The following PACRG variants were observed in gnomAD, a reference collection of about 807,000 sequenced individuals.
PACRG encodes parkin coregulated.
In PACRG, 29 loss-of-function variants were observed where a neutral mutation model predicts 29.7. The ratio of observed to expected loss-of-function variants is 0.98; its 90% CI spans 0.73 to 1.33. The LOEUF (loss-of-function observed/expected upper bound fraction) is 1.33. Ranked by LOEUF, PACRG falls within the 40% of genes most tolerant of loss-of-function variation. The probability of loss-of-function intolerance (pLI) is 0.00; values close to 1 mark genes in which losing one functional copy is unlikely to be tolerated. For synonymous variants in PACRG, 116 were observed against 118.7 expected (o/e 0.98, Z 0.15); for missense variants, 279 against 316.2 (o/e 0.88, Z 0.89).
At chr6:163,227,193 C>T (rs1447020109) in intron 4 of PACRG, among the ~76,000 whole-genome samples, 1 of 152,106 alleles carries the variant, frequency 6.6e-6, no homozygotes, top group African/African-American at 2.4e-5. Context: ...CCATCTGCTT[C>T]CCAGGAGGCC....
intron 4 of PACRG, among the ~76,000 whole-genome samples, chr6:163,121,263 G>A (rs1442270949): frequency 6.6e-6 from 1 of 152,190 alleles, no homozygotes; most frequent in East Asian, 1.9e-4. Context: ...ATTATACATA[G>A]TTTATCCTTC....
chr6:162,907,132 T>C (rs1795986597), intron 2 of PACRG, among the ~76,000 whole-genome samples: 1 of 152,208 alleles, frequency 6.6e-6, no homozygotes, highest in African/African-American at 2.4e-5. Flanking sequence ...GAGTTCTTTA[T>C]ATGAATGATT....
At chr6:162,865,290 TTTAA>T (rs1359317184) in intron 2 of PACRG, among the ~76,000 whole-genome samples, 2 of 152,154 alleles carry the variant, frequency 1.3e-5, no homozygotes, top group South Asian at 2.1e-4. Context: ...AATTAAGAAG[TTTAA>T]TTATTAATGT....
chr6:162,821,437 A>G (rs866568308), intron 2 of PACRG, among the ~76,000 whole-genome samples: 1 of 152,202 alleles, frequency 6.6e-6, no homozygotes, highest in Non-Finnish European at 1.5e-5. Flanking sequence ...GAAACAAGAA[A>G]TGTTGTAAGT....
rs1453872768 is a variant in PACRG at position 162,806,307 on chromosome 6, C to T, written c.157-7840C>T. On this transcript the variant is annotated intron_variant, in intron 1 of 4. Transcript: ENST00000366888. ...ATTTTTAGTAGAGCCAGGGTTTCACCATGTTGGTCAGGCTGGTCTTGAACT... is the reference window on the plus strand; with the variant it reads ...ATTTTTAGTAGAGCCAGGGTTTCACTATGTTGGTCAGGCTGGTCTTGAACT... 2.0e-5 allele frequency among the ~76,000 whole-genome samples: 3 copies of T among 151,840 alleles called. No individual in the cohort carries two copies. The East Asian group carries it at 5.8e-4, about 29-fold the overall frequency.
rs1810680557 is a variant in PACRG, at chr6:163,057,309, G to T, written c.292-4841G>T. ...CTCTAGTTTCCCCGTTTCTGCCAAG[G>T]ATAAATCATAATAGGACCAATTTAT... On this transcript the variant is annotated intron_variant, in intron 2 of 4. Coordinates refer to ENST00000366888, the MANE Select transcript of PACRG (RefSeq NM_001080379.2). 2.0e-5 allele frequency among the ~76,000 whole-genome samples: 3 copies of T among 152,256 alleles called. No individual in the cohort carries two copies. In the South Asian group the frequency reaches 6.2e-4, roughly 32 times the overall value.
intron 2 of PACRG, among the ~76,000 whole-genome samples, chr6:162,827,837 C>T (rs1319033649): frequency 6.6e-6 from 1 of 151,996 alleles, no homozygotes; most frequent in Non-Finnish European, 1.5e-5. Context: ...CCTGGCTCAG[C>T]TCTTACAGTC....
intron 2 of PACRG, among the ~76,000 whole-genome samples, chr6:162,815,481 T>C (rs1787256728): frequency 1.3e-5 from 2 of 150,864 alleles, no homozygotes; most frequent in Admixed American, 1.3e-4. Flanking sequence ...ATATCAGTTA[T>C]TGAACTTAGA....
intron 2 of PACRG, chr6:163,044,712 C>T (rs1393937005): frequency 6.6e-6 from 1 of 152,182 alleles, no homozygotes; most frequent in African/African-American, 2.4e-5. Context: ...CTGGCAAACC[C>T]TCAGGTCGGT....
intron 2 of PACRG, among the ~76,000 whole-genome samples, chr6:163,037,324 G>GT (rs1808296174): frequency 6.6e-6 from 1 of 152,164 alleles, no homozygotes; most frequent in African/African-American, 2.4e-5. Context: ...TCTGCCTCAC[G>GT]TTGTCCTCTC....
intron 4 of PACRG, among the ~76,000 whole-genome samples, chr6:163,284,181 G>A (rs938209802): frequency 6.6e-6 from 1 of 152,162 alleles, no homozygotes; most frequent in Non-Finnish European, 1.5e-5. Context: ...GCAATCCAAA[G>A]AATTATACAA....
chr6:163,017,034 T>C (rs1454805329), intron 2 of PACRG, among the ~76,000 whole-genome samples: 6 of 152,136 alleles, frequency 3.9e-5, no homozygotes, highest in Non-Finnish European at 7.4e-5. Flanking sequence ...ATTTGTATTG[T>C]CTAGAAATAC....
At chr6:163,126,305 T>G (rs1221675883) in intron 4 of PACRG, among the ~76,000 whole-genome samples, 2 of 152,226 alleles carry the variant, frequency 1.3e-5, no homozygotes, top group Admixed American at 1.3e-4. Flanking sequence ...GCCTTTCACC[T>G]TTTGCTGGAA....
In PACRG at chr6:162,758,955, T is replaced by G. The variant is rs73601950; in HGVS notation, c.156+30564T>G. 9.3e-4 allele frequency among the ~76,000 whole-genome samples: 141 copies of G among 152,282 alleles called. 1 individual carries two copies. Among genetic ancestry groups the G allele is most frequent in the African/African-American group, 3.2e-3 (134 of 41,556 alleles). On this transcript the variant is annotated intron_variant, in intron 1 of 4. Coordinates refer to ENST00000366888, the MANE Select transcript of PACRG (RefSeq NM_001080379.2). ...GATTTTGACCCACTATATAAAAAAT[T>G]ATAAGATTTTGGAAAGTTCTTCATA... is the stretch of plus-strand genomic sequence containing the variant.
At chr6:163,044,555 G>A (rs974915353) in intron 2 of PACRG, 2 of 152,058 alleles carry the variant, frequency 1.3e-5, no homozygotes, top group Admixed American at 6.5e-5. Context: ...TAGTTGTTTA[G>A]TGTCAATATA....
chr6:163,269,894 C>G (rs55817566), intron 4 of PACRG, among the ~76,000 whole-genome samples: 614 of 18,116 alleles, frequency 0.034, 88 homozygotes, highest in Middle Eastern at 0.071. Context: ...AGAAAGAAAA[C>G]AAAGAAAGAA....
chr6:162,864,767 G>A (rs901320026), intron 2 of PACRG, among the ~76,000 whole-genome samples: 60 of 152,182 alleles, frequency 3.9e-4, no homozygotes, highest in Admixed American at 1.2e-3. Flanking sequence ...AGACTTCATT[G>A]TAGAGAGGAG....
chr6:162,806,091 CA>C (rs1478029078), intron 1 of PACRG, among the ~76,000 whole-genome samples: 2 of 151,086 alleles, frequency 1.3e-5, no homozygotes, highest in African/African-American at 4.9e-5. Flanking sequence ...TAGAGCCTTA[CA>C]AAAATGTATT....
intron 4 of PACRG, among the ~76,000 whole-genome samples, chr6:163,194,363 T>C (rs1409101004): frequency 1.3e-5 from 2 of 152,104 alleles, no homozygotes; most frequent in Non-Finnish European, 2.9e-5. Context: ...CCTCTCTCCC[T>C]CCCTCCCTGT....
Sources: gnomAD v4.1 joint callset for allele counts (sites outside exome capture counted in the v4.1 genomes callset) on GRCh38, gnomAD v4.1.1 for gene constraint, MANE v1.5 for transcripts, NCBI Gene and HGNC (gene_info 2026-07-23, HGNC 2026-07-21) for gene names.